Variants in NAT10 observed in about 807,000 individuals in gnomAD.
NAT10 encodes N-acetyltransferase 10.
Under a neutral mutation model 132.2 loss-of-function variants are expected in NAT10, and 109 were observed. The ratio of observed to expected loss-of-function variants is 0.82; its 90% CI spans 0.71 to 0.97. The LOEUF is 0.97. NAT10 is among the 50% of genes least tolerant of loss of function. NAT10 has a pLI of 0.00. For missense variants in NAT10, 1,184 were observed against 1,263.4 expected, an observed-to-expected ratio of 0.94 and a Z score of 0.95; for synonymous variants, 479 against 478.0, an observed-to-expected ratio of 1.00 and a Z score of -0.03.
rs1356827505 is a variant in NAT10 at position 34,108,794 on chromosome 11, C to T, written c.161C>T (p.Ser54Leu). The change falls in exon 3 of 29, where the codon TCA becomes TTA. Residue 54 changes from serine to leucine, a missense_variant. Physicochemically the swap from Ser to Leu is moderately radical, Grantham distance 145 (BLOSUM62 -2). Transcript: ENST00000257829. ...LSKATVKARP[S>L]VLWCYKKELG... Reference sequence around the variant, plus strand: ...AAAGCAACTGTGAAGGCTCGGCCTTCAGTGCTGTGGTGTTATAAGAAAGAG... The same window carrying T: ...AAAGCAACTGTGAAGGCTCGGCCTTTAGTGCTGTGGTGTTATAAGAAAGAG... 6.2e-7 allele frequency: 1 copy of T among 1,613,848 alleles called. No individual in the cohort carries two copies. Among genetic ancestry groups the T allele is most frequent in the Non-Finnish European group, 8.5e-7 (1 of 1,179,948 alleles).
At chr11:34,137,849 G>A (rs1852245565) in intron 21 of NAT10, among the ~76,000 whole-genome samples, 1 of 152,182 alleles carries the variant, frequency 6.6e-6, no homozygotes, top group Non-Finnish European at 1.5e-5. Flanking sequence ...TGAAAAAGTG[G>A]GAATGGGAGT....
rs1459650606 is a variant in NAT10 at position 34,115,884 on chromosome 11, G to A, written c.557G>A (p.Arg186Lys). 6.2e-7 allele frequency: 1 copy of A among 1,614,034 alleles called. No homozygotes were observed. Among genetic ancestry groups the A allele is most frequent in the Non-Finnish European group, 8.5e-7 (1 of 1,179,952 alleles). Residue 186 changes from arginine to lysine, a missense_variant and splice_region_variant, in exon 6 of 29, where the codon AGG (arginine) becomes AAG (lysine). Physicochemically the swap from Arg to Lys is conservative, Grantham distance 26. Coordinates refer to ENST00000257829, the MANE Select transcript of NAT10 (RefSeq NM_024662.3). Reference protein sequence around the residue: ...HQDVVGRFNERFILSLASCKK... With the variant: ...HQDVVGRFNEKFILSLASCKK... ...GATGTGGTGGGAAGATTTAATGAAAGGTAATTCTATAGTTCCCCCCAATTG... is the reference window on the plus strand; with the variant it reads ...GATGTGGTGGGAAGATTTAATGAAAAGTAATTCTATAGTTCCCCCCAATTG...
intron 2 of NAT10, among the ~76,000 whole-genome samples, 198 bp from the exon 3 acceptor site, chr11:34,108,544 G>A (rs1377575539): frequency 6.6e-6 from 1 of 152,176 alleles, no homozygotes; most frequent in African/African-American, 2.4e-5. Flanking sequence ...GAAGCCTGGG[G>A]TGGTGGGTTG....
rs752348175 is a variant in NAT10 at position 34,124,394 on chromosome 11, T to A, written c.1101T>A (p.Thr367=). 1.2e-6 allele frequency: 2 copies of A among 1,612,812 alleles called. No individual in the cohort carries two copies. Among genetic ancestry groups the A allele is most frequent in the Non-Finnish European group, 1.7e-6 (2 of 1,179,022 alleles). ...ATGTATTTCGAGAACACAGGCAGACTATTCAGGTGAGGCTTGTTCTCAGAC... is the reference window on the plus strand; with the variant it reads ...ATGTATTTCGAGAACACAGGCAGACAATTCAGGTGAGGCTTGTTCTCAGAC... ...RVNVFREHRQ[T]IQYIHPADAV... is the part of the protein sequence containing the mutation. The change falls in exon 11 of 29, where the codon ACT becomes ACA. Residue 367 remains threonine (T), a synonymous_variant. Transcript: ENST00000257829.
At chr11:34,131,847 G>A (rs949208347) in intron 14 of NAT10, among the ~76,000 whole-genome samples, 1 of 151,848 alleles carries the variant, frequency 6.6e-6, no homozygotes, top group African/African-American at 2.4e-5. Flanking sequence ...CACCACGTCT[G>A]GCTAATTTTT....
chr11:34,121,605 T>C (rs1324261632), intron 8 of NAT10, among the ~76,000 whole-genome samples: 1 of 152,046 alleles, frequency 6.6e-6, no homozygotes, highest in Non-Finnish European at 1.5e-5. Context: ...CTCACGCCTG[T>C]AATCCCAGCA....
At chr11:34,118,638 G>C in intron 8 of NAT10, 135 bp downstream of exon 8, 1 of 640,366 alleles carries the variant, frequency 1.6e-6, no homozygotes, top group Non-Finnish European at 2.6e-6. Context: ...GCTCATACTC[G>C]TGTGTGCTCA....
At chr11:34,129,599 CTTTTTTTT>C (rs71037399) in intron 12 of NAT10, among the ~76,000 whole-genome samples, 6 of 56,726 alleles carry the variant, frequency 1.1e-4, no homozygotes, top group East Asian at 5.8e-4. Context: ...TCTTCTTCTT[CTTTTTTTT>C]TTTTTTTTTT....
chr11:34,112,544 T>C (rs1851713734), intron 4 of NAT10, among the ~76,000 whole-genome samples: 2 of 152,272 alleles, frequency 1.3e-5, no homozygotes, highest in African/African-American at 2.4e-5. Flanking sequence ...TAGGTCCTTA[T>C]TGGCATTCAC....
At chr11:34,133,214 T>C (rs983696539) in intron 16 of NAT10, 72 bp downstream of exon 16, 2 of 1,159,714 alleles carry the variant, frequency 1.7e-6, no homozygotes, top group Non-Finnish European at 1.3e-6. Flanking sequence ...AGTGGCTTAA[T>C]AACTGCATTG....
chr11:34,110,133 G>T (rs1342213969), intron 3 of NAT10, among the ~76,000 whole-genome samples: 2 of 152,064 alleles, frequency 1.3e-5, no homozygotes, highest in Admixed American at 6.6e-5. Flanking sequence ...TCTTTACTCA[G>T]ACCACCTTCC....
At chr11:34,140,605 C>T (rs374060453) in intron 24 of NAT10, 33 bp downstream of exon 24, 24 of 1,600,238 alleles carry the variant, frequency 1.5e-5, no homozygotes, top group East Asian at 6.8e-5. Flanking sequence ...GGAGGAGAAG[C>T]GAGGATTGTG....
chr11:34,135,765 G>C (rs1852198311), intron 19 of NAT10, among the ~76,000 whole-genome samples: 1 of 152,070 alleles, frequency 6.6e-6, no homozygotes, highest in Non-Finnish European at 1.5e-5. Flanking sequence ...TTTAAGTTGA[G>C]GCAGCTGGGC....
intron 28 of NAT10, among the ~76,000 whole-genome samples, chr11:34,144,429 T>A (rs1219048814): frequency 6.6e-6 from 1 of 152,208 alleles, no homozygotes; most frequent in Non-Finnish European, 1.5e-5. Flanking sequence ...TTTTTGCAAA[T>A]CTCTTCAATA....
chr11:34,134,021 G>A (rs536992115), intron 16 of NAT10, among the ~76,000 whole-genome samples: 17 of 152,038 alleles, frequency 1.1e-4, no homozygotes, highest in Non-Finnish European at 1.5e-4. Context: ...AAAATAAGCC[G>A]GGTGTGGTGG....
Position 34,146,104 on chromosome 11 carries a change from A to C in NAT10, c.2990A>C (p.Glu997Ala). ...SLKSDKKRKL[E>A]AKQEPKQSKK... The stretch of plus-strand genomic sequence containing the variant: ...TCTAGTGACAAGAAAAGGAAGTTAG[A>C]GGCCAAACAAGAACCCAAACAGAGC... Residue 997 changes from glutamate to alanine, a missense_variant, in exon 29 of 29, where the codon GAG becomes GCG. By Grantham distance (107) the Glu-to-Ala change is moderately radical. Transcript: ENST00000257829. 6.2e-7 allele frequency: 1 copy of C among 1,606,080 alleles called. No individual in the cohort carries two copies. The highest frequency in any genetic ancestry group is 8.5e-7 in the Non-Finnish European group (1 of 1,177,536).
chr11:34,139,537 G>C (rs751071387), intron 23 of NAT10, 42 bp downstream of exon 23: 1 of 1,549,888 alleles, frequency 6.5e-7, no homozygotes, highest in Non-Finnish European at 8.9e-7. Flanking sequence ...GGAATGGCTT[G>C]GCTGTGTGGG....
intron 1 of NAT10, chr11:34,107,414 T>G (rs1851615059): frequency 6.6e-6 from 1 of 152,220 alleles, no homozygotes; most frequent in African/African-American, 2.4e-5. Context: ...TGGTTATTGA[T>G]TTCCCTGACT....
rs1851638276 is a variant in NAT10 at position 34,108,675 on chromosome 11, G to T, written c.109-67G>T. On this transcript the variant is annotated intron_variant, in intron 2 of 28. Coordinates refer to ENST00000257829, the MANE Select transcript of NAT10 (RefSeq NM_024662.3). Reference sequence around the variant, plus strand: ...TTAGTTTCCACATCCGTCAAATGAGGTCTTAAGCCTGGCGGTCTCTAAAGT... The same window carrying T: ...TTAGTTTCCACATCCGTCAAATGAGTTCTTAAGCCTGGCGGTCTCTAAAGT... 4 of 1,420,438 alleles carry T rather than the reference G, an allele frequency of 2.8e-6. No homozygotes were observed. In the Admixed American group the frequency reaches 5.8e-5, roughly 20 times the overall value. 88.0% of individuals were successfully genotyped at this position (1,420,438 alleles called of 1,614,324 possible). A position where few individuals can be genotyped will look rare whatever the true frequency, so the allele number is the denominator to read the frequency against.
Sources: allele counts gnomAD v4.1 joint callset (sites outside exome capture counted in the v4.1 genomes callset), GRCh38; gene constraint gnomAD v4.1.1; transcripts MANE v1.5; gene names NCBI Gene and HGNC (gene_info 2026-07-23, HGNC 2026-07-21).